UVSSA: variants seen among roughly 807,000 people sequenced by gnomAD.
UVSSA encodes UV stimulated scaffold protein A.
In UVSSA, 72 loss-of-function variants were observed where a neutral mutation model predicts 73.9. The observed-to-expected ratio is 0.97, with a 90% CI of 0.81 to 1.19. The LOEUF (loss-of-function observed/expected upper bound fraction) is 1.19, where lower values mean the gene tolerates loss of function less well. Among genes scored for constraint, UVSSA ranks in the 50% most tolerant of loss-of-function variants. UVSSA has a pLI of 0.00. For missense variants in UVSSA, 1,150 were observed against 965.0 expected (o/e 1.19, Z -2.54); for synonymous variants, 454 against 391.3 (o/e 1.16, Z -1.89).
In UVSSA at chr4:1,383,959, T is replaced by C; in HGVS notation, c.2036+19T>C. ...TCGCCAAGTAAGAGTGGCTGCTGGG[T>C]CACCTCCCACCGCGTGGCCCCCCCG... On this transcript the variant is annotated intron_variant, in intron 13 of 13. Transcript: ENST00000389851. 1 of 1,602,852 alleles carries C rather than the reference T, an allele frequency of 6.2e-7. No homozygotes were observed. The highest frequency in any genetic ancestry group is 1.1e-5 in the South Asian group (1 of 90,460).
Position 1,348,133 on chromosome 4 carries a change from T to C in UVSSA, c.42T>C (p.Thr14=). 1 of 1,613,890 alleles carries C rather than the reference T, an allele frequency of 6.2e-7. No individual in the cohort carries two copies. Among genetic ancestry groups the C allele is most frequent in the South Asian group, 1.1e-5 (1 of 91,080 alleles). Residue 14 remains threonine, a synonymous_variant, in exon 2 of 14, where the codon ACT becomes ACC. Coordinates refer to ENST00000389851, the MANE Select transcript of UVSSA (RefSeq NM_020894.4). ...CGAAGTTGGTAGAAGAGCTCACAAC[T>C]TCAGGAGAACCCCGACTAAATCCTG... ...KLSKLVEELT[T]SGEPRLNPEK... is the part of the protein sequence containing the mutation.
At chr4:1,362,278 G>A (rs1716759826) in intron 7 of UVSSA, among the ~76,000 whole-genome samples, 1 of 152,208 alleles carries the variant, frequency 6.6e-6, no homozygotes, top group Non-Finnish European at 1.5e-5. Context: ...GTGCACGGGT[G>A]GTCTTGGCTC....
upstream of UVSSA, among the ~76,000 whole-genome samples, chr4:1,345,644 C>CAAAAAAAAA (rs71168831): frequency 5.5e-4 from 31 of 55,950 alleles, 3 homozygotes; most frequent in African/African-American, 2.7e-3. Context: ...GACTTTGTCT[C>CAAAAAAAAA]AAAAAAAAAA....
chr4:1,346,943 C>T (rs1439665937), upstream of UVSSA, among the ~76,000 whole-genome samples: 2 of 152,256 alleles, frequency 1.3e-5, no homozygotes, highest in African/African-American at 2.4e-5. Context: ...CCTACGTCAC[C>T]GCGCAGACCT....
chr4:1,379,979 GC>G, intron 10 of UVSSA, 67 bp from the exon 11 acceptor site: 1 of 1,511,096 alleles, frequency 6.6e-7, no homozygotes, highest in Non-Finnish European at 8.9e-7. Flanking sequence ...CCCTGTGCCT[GC>G]ACCACCGTGG....
At chr4:1,355,342 G>A (rs1046950692) in intron 7 of UVSSA, 97 bp downstream of exon 7, 26 of 1,284,086 alleles carry the variant, frequency 2.0e-5, no homozygotes, top group African/African-American at 4.5e-5. Flanking sequence ...TGGGCCCGGC[G>A]GACCCCAGCC....
upstream of UVSSA, among the ~76,000 whole-genome samples, chr4:1,345,636 C>CT (rs566074938): frequency 1.1e-5 from 1 of 90,778 alleles, no homozygotes; most frequent in Non-Finnish European, 1.9e-5. Flanking sequence ...CAAAGCGAGA[C>CT]TTTGTCTCAA....
chr4:1,378,511 A>G (rs1399608147), intron 10 of UVSSA, among the ~76,000 whole-genome samples: 2 of 152,218 alleles, frequency 1.3e-5, no homozygotes, highest in Admixed American at 6.5e-5. Flanking sequence ...AGATCGCACC[A>G]TCACACTCCA....
chr4:1,374,044 G>A (rs991157738), intron 8 of UVSSA, among the ~76,000 whole-genome samples: 10 of 152,178 alleles, frequency 6.6e-5, no homozygotes, highest in African/African-American at 1.9e-4. Context: ...TTCTGCCGCA[G>A]CCAGGACGCC....
Position 1,380,132 on chromosome 4 carries a change from C to CGCCA in UVSSA, c.1655_1658dup (p.His553GlnfsTer10). Reference sequence around the variant, plus strand: ...CGACATCTCCGAGATGCTCCGGAGCCGCCACATCACTTTTGCCGGGAAGTT... The same window carrying CGCCA: ...CGACATCTCCGAGATGCTCCGGAGCCGCCAGCCACATCACTTTTGCCGGGAAGTT... On this transcript the variant is annotated frameshift_variant, in exon 11 of 14. Coordinates refer to ENST00000389851, the MANE Select transcript of UVSSA (RefSeq NM_020894.4). LOFTEE classifies it high-confidence loss of function. The CGCCA allele has an allele frequency of 6.2e-7, 1 of 1,613,200 alleles. No individual in the cohort carries two copies. Among genetic ancestry groups the CGCCA allele is most frequent in the Non-Finnish European group, 8.5e-7 (1 of 1,179,982 alleles).
rs566653156 is a variant in UVSSA, at chr4:1,385,709, G to A, written c.2037-159G>A. 4.4e-5 allele frequency: 31 copies of A among 705,414 alleles called. No individual in the cohort carries two copies. The East Asian group carries it at 6.9e-4, about 16-fold the overall frequency. 43.7% of individuals were successfully genotyped at this position (705,414 alleles called of 1,614,324 possible). A position where few individuals can be genotyped will look rare whatever the true frequency, so the allele number is the denominator to read the frequency against. ...TCGGGCCAGGGCCAAGGGGCCCGTC[G>A]CCCATCTGTCTCTGAAGGTGGCACC... On this transcript the variant is annotated intron_variant, in intron 13 of 13. Coordinates refer to ENST00000389851, the MANE Select transcript of UVSSA (RefSeq NM_020894.4).
chr4:1,376,319 C>A, intron 10 of UVSSA, 151 bp downstream of exon 10: 1 of 1,223,736 alleles, frequency 8.2e-7, no homozygotes, highest in Non-Finnish European at 1.1e-6. Context: ...TGGAGGGGCA[C>A]AGGGGTGGGC....
chr4:1,395,524 G>C (rs1289180296), exon 14 of UVSSA: 24 of 1,597,160 alleles, frequency 1.5e-5, no homozygotes, highest in Non-Finnish European at 2.0e-5. Flanking sequence ...ACATGCCGAT[G>C]TGGAGTGCCC....
intron 10 of UVSSA, among the ~76,000 whole-genome samples, chr4:1,379,356 G>A (rs904551641): frequency 2.0e-5 from 3 of 152,230 alleles, no homozygotes; most frequent in Admixed American, 1.3e-4. Flanking sequence ...GTGGGCAGGG[G>A]GTGGAGTCCT....
At chr4:1,367,980 C>A (rs546708728) in intron 8 of UVSSA, among the ~76,000 whole-genome samples, 7 of 152,376 alleles carry the variant, frequency 4.6e-5, no homozygotes, top group African/African-American at 1.7e-4. Context: ...CACCGTTGGC[C>A]GCTGCAATCT....
At chr4:1,350,504 G>T (rs1208178189) in intron 3 of UVSSA, among the ~76,000 whole-genome samples, 2 of 152,228 alleles carry the variant, frequency 1.3e-5, no homozygotes, top group Non-Finnish European at 2.9e-5. Context: ...GCCTGCTAAT[G>T]GAACAAGCAC....
At chr4:1,360,266 C>T (rs900620538) in intron 7 of UVSSA, among the ~76,000 whole-genome samples, 9 of 152,220 alleles carry the variant, frequency 5.9e-5, no homozygotes, top group Non-Finnish European at 1.2e-4. Context: ...GGCCTTGTGC[C>T]AGCCCTCCCT....
At chr4:1,350,915 G>A (rs761340236) in intron 3 of UVSSA, among the ~76,000 whole-genome samples, 14 of 152,122 alleles carry the variant, frequency 9.2e-5, no homozygotes, top group Non-Finnish European at 1.6e-4. Flanking sequence ...TGTTGATGAT[G>A]TTGTTTTTGA....
At chr4:1,377,653 C>T (rs1403141152) in intron 10 of UVSSA, among the ~76,000 whole-genome samples, 1 of 151,814 alleles carries the variant, frequency 6.6e-6, no homozygotes, top group Non-Finnish European at 1.5e-5. Context: ...ACAGGCTTTG[C>T]CCTGAGCCCC....
Sources: gnomAD v4.1 joint callset for allele counts (sites outside exome capture counted in the v4.1 genomes callset) on GRCh38, gnomAD v4.1.1 for gene constraint, MANE v1.5 for transcripts, NCBI Gene and HGNC (gene_info 2026-07-23, HGNC 2026-07-21) for gene names.